IP6K1: variants seen among roughly 807,000 people sequenced by gnomAD.
IP6K1 encodes the protein inositol hexakisphosphate kinase 1, also known as ATP:1D-myo-inositol-hexakisphosphate phosphotransferase.
In IP6K1, 13 loss-of-function variants were observed where a neutral mutation model predicts 38.3. That is an observed-to-expected ratio of 0.34 (90% CI 0.22 to 0.54). The LOEUF (loss-of-function observed/expected upper bound fraction) is 0.54. IP6K1 is among the 20% of genes least tolerant of loss of function. The probability of loss-of-function intolerance (pLI) is 0.92; values close to 1 mark genes in which losing one functional copy is unlikely to be tolerated. For missense variants in IP6K1, 397 were observed against 599.8 expected (o/e 0.66, Z 3.53); for synonymous variants, 212 against 229.9 (o/e 0.92, Z 0.70).
At chr3:49,785,302 T>C (rs2081102825) in intron 1 of IP6K1, among the ~76,000 whole-genome samples, 1 of 151,974 alleles carries the variant, frequency 6.6e-6, no homozygotes. Flanking sequence ...GGTCAGGAGT[T>C]CGAGACCAGC....
At chr3:49,754,604 T>TG (rs1395197702) in intron 1 of IP6K1, among the ~76,000 whole-genome samples, 6 of 152,132 alleles carry the variant, frequency 3.9e-5, no homozygotes, top group Non-Finnish European at 8.8e-5. Context: ...GAGTTTTTTT[T>TG]TGTGTGTGTT....
rs1346856478 is a variant in IP6K1, at chr3:49,728,286, A to G, written c.617-8T>C. 4 of 1,610,658 alleles carry G rather than the reference A, an allele frequency of 2.5e-6. No individual in the cohort carries two copies. The South Asian group carries it at 4.4e-5, about 18-fold the overall frequency. On this transcript the variant is annotated splice_polypyrimidine_tract_variant and splice_region_variant and intron_variant, in intron 4 of 5. Coordinates refer to ENST00000321599, the MANE Select transcript of IP6K1 (RefSeq NM_153273.4). ...TCTCAAGCAGGAGGAACTCTGGGCCACGGTCAAGGAGAATGACAACCACAC... is the reference window on the plus strand; with the variant it reads ...TCTCAAGCAGGAGGAACTCTGGGCCGCGGTCAAGGAGAATGACAACCACAC...
At chr3:49,730,391 C>A (rs1038344753) in intron 4 of IP6K1, among the ~76,000 whole-genome samples, 5 of 152,196 alleles carry the variant, frequency 3.3e-5, no homozygotes, top group Non-Finnish European at 5.9e-5. Flanking sequence ...GATTTGGATA[C>A]ATCCCTCACC....
chr3:49,771,212 A>AAAAAAAAAAAAAC (rs1559714465), intron 1 of IP6K1, among the ~76,000 whole-genome samples: 2 of 126,736 alleles, frequency 1.6e-5, no homozygotes, highest in African/African-American at 3.0e-5. Context: ...AAAAAAAAAA[A>AAAAAAAAAAAAAC]CCCTGCCAGG....
Position 49,727,983 on chromosome 3 carries a change from G to T in IP6K1, c.792+120C>A. On this transcript the variant is annotated intron_variant, in intron 5 of 5. Transcript: ENST00000321599. The surrounding 1 kb of genome is among the most constrained non-coding windows in gnomAD (Gnocchi z 5.9). ...TCCTGCACCTGAGGCCCATATCAAA[G>T]TCAACAGGTAAGGACAGAGGGGCTC... 1 of 1,010,194 alleles carries T rather than the reference G, an allele frequency of 9.9e-7. No individual in the cohort carries two copies. Among genetic ancestry groups the T allele is most frequent in the Non-Finnish European group, 1.5e-6 (1 of 678,820 alleles). The allele number at this position is 1,010,194 out of a possible 1,614,324, so 62.6% of individuals were successfully genotyped here.
chr3:49,760,936 A>G (rs927129053), intron 1 of IP6K1, among the ~76,000 whole-genome samples: 2 of 152,224 alleles, frequency 1.3e-5, no homozygotes, highest in East Asian at 1.9e-4. Context: ...GTGAGGTAAT[A>G]TATGAAAAAA....
At chr3:49,730,279 T>G (rs1424085693) in intron 4 of IP6K1, among the ~76,000 whole-genome samples, 1 of 152,170 alleles carries the variant, frequency 6.6e-6, no homozygotes, top group Non-Finnish European at 1.5e-5. Context: ...TCAAGTGATC[T>G]TCCCACCTTG....
chr3:49,756,077 A>C (rs1274847563), intron 1 of IP6K1, among the ~76,000 whole-genome samples: 1 of 152,200 alleles, frequency 6.6e-6, no homozygotes, highest in Admixed American at 6.5e-5. Flanking sequence ...ATAGATGTCT[A>C]GAGTAATCTG....
At position 49,727,900 on chromosome 3, in the gene IP6K1, T is replaced by C. The variant is rs2080523476; in HGVS notation, c.792+203A>G. Among the ~76,000 whole-genome samples, 1 of 152,164 alleles carries C rather than the reference T, an allele frequency of 6.6e-6. No individual in the cohort carries two copies. The highest frequency in any genetic ancestry group is 2.1e-4 in the South Asian group (1 of 4,832). On this transcript the variant is annotated intron_variant, in intron 5 of 5. Coordinates refer to ENST00000321599, the MANE Select transcript of IP6K1 (RefSeq NM_153273.4). The surrounding 1 kb of genome is among the most constrained non-coding windows in gnomAD (Gnocchi z 5.9). ...GCCCTCCTCCAACATCGGAACATCT[T>C]GTTGACAGGCAAGAGTCTTATTTGT... is the stretch of plus-strand genomic sequence containing the variant.
At chr3:49,766,957 T>A (rs1470465911) in intron 1 of IP6K1, among the ~76,000 whole-genome samples, 3 of 33,756 alleles carry the variant, frequency 8.9e-5, no homozygotes, top group African/African-American at 1.5e-4. Flanking sequence ...AGACTCCGTC[T>A]CAAAAAAAAA....
chr3:49,767,772 G>C (rs998372986), intron 1 of IP6K1, among the ~76,000 whole-genome samples: 3 of 152,018 alleles, frequency 2.0e-5, no homozygotes, highest in Non-Finnish European at 4.4e-5. Flanking sequence ...AATTTAAAAA[G>C]AGTGAAAACA....
intron 1 of IP6K1, among the ~76,000 whole-genome samples, chr3:49,785,275 A>AGGG (rs61244502): frequency 6.1e-4 from 92 of 151,766 alleles, no homozygotes; most frequent in African/African-American, 2.2e-3. Flanking sequence ...TGGGAGGCCA[A>AGGG]GGGGGGTGGA....
chr3:49,768,948 T>C (rs185216382), intron 1 of IP6K1, among the ~76,000 whole-genome samples: 52 of 152,294 alleles, frequency 3.4e-4, no homozygotes, highest in Admixed American at 1.6e-3. Flanking sequence ...CACTGCATCA[T>C]ACCCTTCAAA....
intron 1 of IP6K1, among the ~76,000 whole-genome samples, chr3:49,782,246 C>T (rs540857833): frequency 7.2e-5 from 11 of 151,964 alleles, no homozygotes; most frequent in African/African-American, 2.4e-4. Flanking sequence ...TCTCGGCTCA[C>T]TGCAACCTCC....
At chr3:49,781,986 T>C (rs1231089331) in intron 1 of IP6K1, among the ~76,000 whole-genome samples, 2 of 151,782 alleles carry the variant, frequency 1.3e-5, no homozygotes, top group African/African-American at 4.8e-5. Context: ...CCAGCTACTC[T>C]GGAGGCTGAG....
At chr3:49,775,666 A>G in intron 1 of IP6K1, 1 of 557,394 alleles carries the variant, frequency 1.8e-6, no homozygotes, top group Non-Finnish European at 2.9e-6. Flanking sequence ...CAGCGGCTAG[A>G]AAAGATGCCT....
intron 1 of IP6K1, among the ~76,000 whole-genome samples, chr3:49,775,777 G>A (rs912479041): frequency 4.6e-5 from 7 of 152,030 alleles, no homozygotes; most frequent in Admixed American, 3.3e-4. Flanking sequence ...ACCCAGACAT[G>A]TGGTAGGGAT....
intron 3 of IP6K1, among the ~76,000 whole-genome samples, chr3:49,737,658 C>A (rs1373782733): frequency 6.6e-6 from 1 of 152,146 alleles, no homozygotes; most frequent in African/African-American, 2.4e-5. Context: ...TGCATTCCAG[C>A]CTAACAGCAA....
chr3:49,742,627 G>A (rs1472785643), intron 2 of IP6K1, among the ~76,000 whole-genome samples: 1 of 152,156 alleles, frequency 6.6e-6, no homozygotes, highest in Non-Finnish European at 1.5e-5. Flanking sequence ...GGCCAGGCAT[G>A]GTGGCTCACA....
Sources: allele counts gnomAD v4.1 joint callset (sites outside exome capture counted in the v4.1 genomes callset), GRCh38; gene constraint gnomAD v4.1.1; non-coding constraint Gnocchi (gnomAD v3.1); transcripts MANE v1.5; gene names NCBI Gene and HGNC (gene_info 2026-07-23, HGNC 2026-07-21).